The following RIMS1 variants were observed in gnomAD, a reference collection of about 807,000 sequenced individuals.
RIMS1 encodes the protein regulating synaptic membrane exocytosis 1, also known as regulating synaptic membrane exocytosis protein 1.
A neutral mutation model predicts 214.1 loss-of-function variants in RIMS1; 83 were observed. The observed-to-expected ratio is 0.39, with a 90% CI of 0.32 to 0.47. The LOEUF (loss-of-function observed/expected upper bound fraction) is 0.47. Among genes scored for constraint, RIMS1 ranks in the 20% least tolerant of loss-of-function variants. The pLI, the probability that RIMS1 is intolerant of heterozygous loss-of-function variation, is 0.99. For synonymous variants in RIMS1, 793 were observed against 786.8 expected (o/e 1.01, Z -0.13); for missense variants, 2,050 against 2,161.8 (o/e 0.95, Z 1.03).
chr6:72,168,086 A>G (rs2046519945), intron 4 of RIMS1, among the ~76,000 whole-genome samples: 1 of 152,204 alleles, frequency 6.6e-6, no homozygotes, highest in Non-Finnish European at 1.5e-5. Context: ...GATGGCCCAA[A>G]TAAGGCAGTA....
chr6:71,926,020 G>T (rs925823140), intron 1 of RIMS1, among the ~76,000 whole-genome samples: 1 of 152,118 alleles, frequency 6.6e-6, no homozygotes, highest in Non-Finnish European at 1.5e-5. Context: ...GAACATTTCT[G>T]CTCTCTCCCC....
intron 2 of RIMS1, among the ~76,000 whole-genome samples, chr6:72,003,430 CATGA>C (rs554101317): frequency 2.2e-3 from 339 of 151,990 alleles, no homozygotes; most frequent in Middle Eastern, 3.4e-3. Flanking sequence ...TGGATGAATA[CATGA>C]ATGAATGAAT....
chr6:72,059,428 C>T (rs915780895), intron 2 of RIMS1, among the ~76,000 whole-genome samples: 4 of 152,012 alleles, frequency 2.6e-5, no homozygotes, highest in African/African-American at 9.7e-5. Context: ...GGGGTTTTGC[C>T]ATGTTGCCTA....
chr6:72,114,829 T>A (rs537464261), intron 4 of RIMS1, among the ~76,000 whole-genome samples: 1 of 152,084 alleles, frequency 6.6e-6, no homozygotes, highest in Admixed American at 6.6e-5. Context: ...GTTGTGGAGC[T>A]GTCTTATCAA....
intron 16 of RIMS1, among the ~76,000 whole-genome samples, chr6:72,256,161 G>T (rs1388640875): frequency 6.6e-6 from 1 of 151,374 alleles, no homozygotes; most frequent in Non-Finnish European, 1.5e-5. Flanking sequence ...AAAAAGCAAA[G>T]AACTTTTTCT....
intron 1 of RIMS1, among the ~76,000 whole-genome samples, chr6:71,962,638 C>A (rs114907350): frequency 6.6e-6 from 1 of 152,180 alleles, no homozygotes; most frequent in African/African-American, 2.4e-5. Flanking sequence ...CATTTGTTCA[C>A]TGATAATTGA....
chr6:72,314,497 T>A (rs1593089754), intron 28 of RIMS1, among the ~76,000 whole-genome samples: 1 of 152,198 alleles, frequency 6.6e-6, no homozygotes, highest in East Asian at 2.0e-4. Context: ...AATTCTCTCT[T>A]GTTTGTTGAA....
chr6:72,019,130 C>G (rs1339040583), intron 2 of RIMS1, among the ~76,000 whole-genome samples: 2 of 152,124 alleles, frequency 1.3e-5, no homozygotes, highest in Non-Finnish European at 2.9e-5. Flanking sequence ...TGTGGTATTA[C>G]TTCATATTTG....
At chr6:71,962,266 A>G (rs1460393139) in intron 1 of RIMS1, among the ~76,000 whole-genome samples, 2 of 152,104 alleles carry the variant, frequency 1.3e-5, no homozygotes, top group African/African-American at 2.4e-5. Flanking sequence ...TTTGTAGTGA[A>G]TCTTTAGTTT....
At chr6:72,156,771 A>G (rs757441553) in intron 4 of RIMS1, among the ~76,000 whole-genome samples, 1 of 140,964 alleles carries the variant, frequency 7.1e-6, no homozygotes, top group Non-Finnish European at 1.6e-5. Context: ...TTATTTGTCA[A>G]TTACAATTAA....
intron 4 of RIMS1, among the ~76,000 whole-genome samples, chr6:72,100,886 C>T (rs141253870): frequency 9.2e-5 from 14 of 151,910 alleles, no homozygotes; most frequent in East Asian, 1.9e-4. Flanking sequence ...TCTAAATTTA[C>T]GCTAGGATAT....
intron 1 of RIMS1, among the ~76,000 whole-genome samples, chr6:71,932,279 G>A (rs1783286205): frequency 6.6e-6 from 1 of 152,080 alleles, no homozygotes. Flanking sequence ...TATAACCACG[G>A]AATACCATGC....
chr6:71,972,906 A>G (rs1796215986), intron 2 of RIMS1, among the ~76,000 whole-genome samples: 1 of 152,062 alleles, frequency 6.6e-6, no homozygotes, highest in Admixed American at 6.6e-5. Context: ...TGCAACAGTA[A>G]TACGGATTTT....
intron 23 of RIMS1, among the ~76,000 whole-genome samples, chr6:72,276,119 G>A (rs1254479106): frequency 6.6e-6 from 1 of 152,140 alleles, no homozygotes; most frequent in Non-Finnish European, 1.5e-5. Flanking sequence ...AGGGTGAGGT[G>A]CACACACAGT....
At chr6:72,102,918 C>T (rs761682814) in intron 4 of RIMS1, among the ~76,000 whole-genome samples, 21 of 152,052 alleles carry the variant, frequency 1.4e-4, no homozygotes, top group Non-Finnish European at 2.6e-4. Context: ...CATGATGAAG[C>T]ATATGATCCT....
intron 2 of RIMS1, among the ~76,000 whole-genome samples, chr6:72,065,592 A>G (rs887340836): frequency 6.6e-6 from 1 of 152,204 alleles, no homozygotes; most frequent in Non-Finnish European, 1.5e-5. Context: ...TAACAACAAT[A>G]ATAATGTTAA....
At chr6:72,395,094 C>T (rs969035846) in intron 31 of RIMS1, among the ~76,000 whole-genome samples, 4 of 151,666 alleles carry the variant, frequency 2.6e-5, no homozygotes, top group African/African-American at 7.3e-5. Flanking sequence ...TATAGAATAC[C>T]ACCAATAACA....
chr6:72,269,130 G>A (rs536679715), intron 22 of RIMS1, among the ~76,000 whole-genome samples: 41 of 152,126 alleles, frequency 2.7e-4, no homozygotes, highest in Non-Finnish European at 4.6e-4. Flanking sequence ...TAAACTTACC[G>A]CCTGCATTTT....
At position 72,334,973 on chromosome 6, in the gene RIMS1, C is replaced by CT. The variant is rs2096789559; in HGVS notation, c.4366+1138_4366+1139insT. 4.6e-5 allele frequency among the ~76,000 whole-genome samples: 7 copies of CT among 151,978 alleles called. No individual in the cohort carries two copies. In the South Asian group the frequency reaches 1.4e-3, roughly 31 times the overall value. ...TCTTCTTTAGAGTCAAGTTCCTTTA[C>CT]AGTAAGTATAAGAGGCATTTTTCAT... On this transcript the variant is annotated intron_variant, in intron 29 of 33. Transcript: ENST00000521978.
Sources: allele counts gnomAD v4.1 joint callset (sites outside exome capture counted in the v4.1 genomes callset), GRCh38; gene constraint gnomAD v4.1.1; transcripts MANE v1.5; gene names NCBI Gene and HGNC (gene_info 2026-07-23, HGNC 2026-07-21).